TRMT11: variants seen among roughly 807,000 people sequenced by gnomAD.
TRMT11 encodes the protein tRNA (guanine(10)-N(2))-methyltransferase TRMT11.
A neutral mutation model predicts 62.8 loss-of-function variants in TRMT11; 53 were observed. The observed-to-expected ratio is 0.84, with a 90% confidence interval of 0.68 to 1.06. The LOEUF is 1.06. Among genes scored for constraint, TRMT11 ranks in the 50% least tolerant of loss-of-function variants. The probability of loss-of-function intolerance (pLI) is 0.00; values close to 1 mark genes in which losing one functional copy is unlikely to be tolerated. For synonymous variants in TRMT11, 188 were observed against 190.3 expected, an observed-to-expected ratio of 0.99 and a Z score of 0.10; for missense variants, 556 against 553.4, an observed-to-expected ratio of 1.00 and a Z score of -0.05.
chr6:126,238,764 C>T, the TRMT11 span, among the ~76,000 whole-genome samples: 2 of 152,152 alleles, frequency 1.3e-5, no homozygotes. Flanking sequence ...TCTGGATATC[C>T]TTGTTAACTT....
At chr6:126,168,211 C>T (rs904590639) in intron 21 of TRMT11, among the ~76,000 whole-genome samples, 2 of 152,142 alleles carry the variant, frequency 1.3e-5, no homozygotes, top group African/African-American at 4.8e-5. Context: ...CAACCTCAGC[C>T]CTCCTAGAAA....
intron 17 of TRMT11, among the ~76,000 whole-genome samples, chr6:126,092,196 T>G (rs1021325060): frequency 1.3e-5 from 2 of 150,660 alleles, no homozygotes; most frequent in African/African-American, 4.9e-5. Flanking sequence ...AGATTTAGTT[T>G]TAATTTTAAT....
intron 17 of TRMT11, among the ~76,000 whole-genome samples, chr6:126,098,378 A>G (rs1777362474): frequency 3.3e-5 from 5 of 152,188 alleles, no homozygotes; most frequent in Admixed American, 3.3e-4. Context: ...GAATAATTCT[A>G]TGTGAATCCT....
chr6:126,256,601 CA>C, the TRMT11 span, among the ~76,000 whole-genome samples: 3 of 151,952 alleles, frequency 2.0e-5, no homozygotes, highest in African/African-American at 7.3e-5. Context: ...ACTCAAAATA[CA>C]ATAATGGAAG....
chr6:126,057,933 C>T (rs1776416784), intron 17 of TRMT11, among the ~76,000 whole-genome samples: 1 of 150,712 alleles, frequency 6.6e-6, no homozygotes, highest in South Asian at 2.2e-4. Flanking sequence ...CTCCATCTCC[C>T]CAGTGGTATT....
intron 11 of TRMT11, among the ~76,000 whole-genome samples, chr6:126,018,107 G>A (rs142599303): frequency 2.2e-3 from 341 of 152,162 alleles, no homozygotes; most frequent in African/African-American, 7.3e-3. Flanking sequence ...ATAGCACATT[G>A]TACCCCCCAA....
the TRMT11 span, among the ~76,000 whole-genome samples, chr6:126,254,908 T>A: frequency 6.6e-6 from 1 of 152,212 alleles, no homozygotes; most frequent in East Asian, 1.9e-4. Flanking sequence ...GTCTTTGCAT[T>A]TGCCTTCTAG....
At chr6:126,143,163 C>T (rs1367010096) in intron 21 of TRMT11, among the ~76,000 whole-genome samples, 1 of 151,826 alleles carries the variant, frequency 6.6e-6, no homozygotes, top group Non-Finnish European at 1.5e-5. Context: ...TTTCTAAGTC[C>T]CTGTGCAAAT....
intron 8 of TRMT11, among the ~76,000 whole-genome samples, chr6:126,010,230 A>G (rs1182827618): frequency 6.6e-6 from 1 of 152,022 alleles, no homozygotes; most frequent in African/African-American, 2.4e-5. Flanking sequence ...GATTTATAGC[A>G]TTTGACAGTG....
intron 1 of TRMT11, among the ~76,000 whole-genome samples, chr6:126,189,702 C>T (rs1407459443): frequency 2.0e-5 from 3 of 151,936 alleles, no homozygotes; most frequent in Admixed American, 6.6e-5. Flanking sequence ...GTTGGGGCTG[C>T]GGTACTCAGG....
intron 1 of TRMT11, among the ~76,000 whole-genome samples, chr6:126,197,195 C>T (rs537545672): frequency 2.4e-4 from 36 of 152,278 alleles, no homozygotes; most frequent in African/African-American, 8.7e-4. Flanking sequence ...TCTACTTCTT[C>T]TGCTTTATCT....
intron 21 of TRMT11, among the ~76,000 whole-genome samples, chr6:126,119,101 G>A (rs1181225468): frequency 6.6e-6 from 1 of 152,028 alleles, no homozygotes; most frequent in Non-Finnish European, 1.5e-5. Flanking sequence ...ATTTAGTCCT[G>A]TTATCTCTCT....
the TRMT11 span, among the ~76,000 whole-genome samples, chr6:126,253,623 G>A: frequency 6.6e-6 from 1 of 152,288 alleles, no homozygotes; most frequent in Non-Finnish European, 1.5e-5. Context: ...GTCACTAGGC[G>A]ACAGGAATTT....
At chr6:126,157,088 C>A (rs1248349621) in intron 21 of TRMT11, among the ~76,000 whole-genome samples, 1 of 152,152 alleles carries the variant, frequency 6.6e-6, no homozygotes, top group African/African-American at 2.4e-5. Context: ...CCCTCAGATG[C>A]CCCCAAACCT....
At position 126,012,733 on chromosome 6, in the gene TRMT11, A is replaced by T. The variant is rs377359227; in HGVS notation, c.926-38A>T. The T allele has an allele frequency of 3.9e-6, 6 of 1,534,146 alleles. No homozygotes were observed. The African/African-American group carries it at 8.2e-5, about 21-fold the overall frequency. On this transcript the variant is annotated intron_variant, in intron 9 of 12. Coordinates refer to ENST00000334379, the MANE Select transcript of TRMT11 (RefSeq NM_001031712.3). ...TTTGCCCTTGATCCATGATTTGGTG[A>T]CTTTTGACTATCTGTGTTACCTTTG...
the TRMT11 span, among the ~76,000 whole-genome samples, chr6:126,264,458 G>T: frequency 6.6e-6 from 1 of 152,138 alleles, no homozygotes; most frequent in Non-Finnish European, 1.5e-5. Context: ...AAGGACGGAG[G>T]TTCAGAGGTT....
the TRMT11 span, among the ~76,000 whole-genome samples, chr6:126,236,769 G>C: frequency 6.6e-6 from 1 of 152,124 alleles, no homozygotes; most frequent in Non-Finnish European, 1.5e-5. Flanking sequence ...TGGCTGTGTA[G>C]TACCACAGCA....
At chr6:126,096,901 G>C (rs573830823) in intron 17 of TRMT11, among the ~76,000 whole-genome samples, 1 of 152,258 alleles carries the variant, frequency 6.6e-6, no homozygotes, top group East Asian at 1.9e-4. Flanking sequence ...CATTATAACA[G>C]AAATGAGAAG....
At chr6:126,196,472 A>T (rs1464727592) in intron 1 of TRMT11, among the ~76,000 whole-genome samples, 1 of 152,056 alleles carries the variant, frequency 6.6e-6, no homozygotes, top group Non-Finnish European at 1.5e-5. Flanking sequence ...ATTTTCAATA[A>T]AAATTTTCTT....
Sources: allele counts gnomAD v4.1 joint callset (sites outside exome capture counted in the v4.1 genomes callset), GRCh38; gene constraint gnomAD v4.1.1; transcripts MANE v1.5; gene names NCBI Gene and HGNC (gene_info 2026-07-23, HGNC 2026-07-21).